Variants in GPATCH2L observed in about 807,000 individuals in gnomAD.
GPATCH2L encodes the protein G patch domain-containing protein 2-like.
GPATCH2L carries 31 observed loss-of-function variants against 57.4 expected under a neutral mutation model. That is an observed-to-expected ratio of 0.54 (90% confidence interval 0.41 to 0.73). The LOEUF is 0.73. Ranked by LOEUF, GPATCH2L falls within the 30% of genes least tolerant of loss-of-function variation. The pLI is 0.00. For missense variants in GPATCH2L, 481 were observed against 599.9 expected, an observed-to-expected ratio of 0.80 and a Z score of 2.07; for synonymous variants, 199 against 210.7, an observed-to-expected ratio of 0.94 and a Z score of 0.48.
At chr14:76,173,734 G>C (rs769523003) in intron 5 of GPATCH2L, 109 bp downstream of exon 5, 1 of 737,662 alleles carries the variant, frequency 1.4e-6, no homozygotes, top group Non-Finnish European at 2.5e-6. Flanking sequence ...GAAGTTAATG[G>C]AGCCAACTGG....
chr14:76,157,673 G>GT (rs397964557), intron 2 of GPATCH2L, among the ~76,000 whole-genome samples: 32,823 of 117,676 alleles, frequency 0.28, 4,081 homozygotes, highest in African/African-American at 0.36. Context: ...CAATGGTAGC[G>GT]TTTTTTTTTT....
chr14:76,210,826 A>G lies in GPATCH2L; in HGVS notation c.*8975A>G, dbSNP rs2139846558. 1 of 152,320 alleles carries G rather than the reference A, an allele frequency of 6.6e-6. No individual in the cohort carries two copies. The highest frequency in any genetic ancestry group is 6.5e-5 in the Admixed American group (1 of 15,304). The allele number at this position is 152,320 out of a possible 1,614,324, so 9.4% of individuals were successfully genotyped here. A position where few individuals can be genotyped will look rare whatever the true frequency, so the allele number is the denominator to read the frequency against. On this transcript the variant is annotated 3_prime_UTR_variant, in exon 10 of 10. Coordinates refer to ENST00000261530, the MANE Select transcript of GPATCH2L (RefSeq NM_017926.4). ...AGCTGCCTTAACAGTCTTGGCTTTTAGAAATGCCCCTTCATTCATTAGATG... is the reference window on the plus strand; with the variant it reads ...AGCTGCCTTAACAGTCTTGGCTTTTGGAAATGCCCCTTCATTCATTAGATG...
chr14:76,233,839 C>T (rs1231749665), intron 2 of GPATCH2L, among the ~76,000 whole-genome samples: 2 of 152,166 alleles, frequency 1.3e-5, no homozygotes, highest in Non-Finnish European at 2.9e-5. Flanking sequence ...TGTTGTGGCT[C>T]ATCCCTGTAA....
chr14:76,192,931 A>C (rs1472203449), intron 8 of GPATCH2L, among the ~76,000 whole-genome samples: 3 of 152,144 alleles, frequency 2.0e-5, no homozygotes, highest in African/African-American at 7.2e-5. Flanking sequence ...GTAGAAGTAG[A>C]CCATTTACCA....
intron 8 of GPATCH2L, among the ~76,000 whole-genome samples, chr14:76,182,356 C>G (rs1307869063): frequency 5.4e-5 from 1 of 18,424 alleles, no homozygotes; most frequent in Non-Finnish European, 1.1e-4. Context: ...GACCCCGTCT[C>G]AGAAAAGAAA....
chr14:76,177,587 ACT>A (rs2039383131), intron 6 of GPATCH2L, among the ~76,000 whole-genome samples: 1 of 149,582 alleles, frequency 6.7e-6, no homozygotes, highest in South Asian at 2.1e-4. Flanking sequence ...ATGAGTTGAG[ACT>A]CTTGTCACTG....
At chr14:76,182,581 G>A (rs1320167257) in intron 8 of GPATCH2L, among the ~76,000 whole-genome samples, 2 of 60,238 alleles carry the variant, frequency 3.3e-5, no homozygotes, top group African/African-American at 1.2e-4. Context: ...GTGAGACCCT[G>A]TCTCAAAAAA....
intron 3 of GPATCH2L, among the ~76,000 whole-genome samples, chr14:76,169,162 G>C (rs996828418): frequency 2.6e-5 from 4 of 152,046 alleles, no homozygotes; most frequent in African/African-American, 9.7e-5. Context: ...CCATGTGTTT[G>C]CTGAGGGGGT....
chr14:76,184,550 T>C (rs2039697921), intron 8 of GPATCH2L, among the ~76,000 whole-genome samples: 1 of 152,222 alleles, frequency 6.6e-6, no homozygotes, highest in African/African-American at 2.4e-5. Context: ...TCTTGTTTAA[T>C]ATTTCATTGC....
intron 2 of GPATCH2L, among the ~76,000 whole-genome samples, chr14:76,164,762 A>G (rs1158824268): frequency 6.6e-6 from 1 of 152,248 alleles, no homozygotes; most frequent in Non-Finnish European, 1.5e-5. Context: ...TTGAGATGAA[A>G]GCATTTTCAA....
chr14:76,163,936 A>G (rs1400333083), intron 2 of GPATCH2L, among the ~76,000 whole-genome samples: 1 of 152,176 alleles, frequency 6.6e-6, no homozygotes, highest in Admixed American at 6.5e-5. Flanking sequence ...TTCCCTGGCC[A>G]GATCATTCTC....
At chr14:76,173,352 A>G (rs2039172734) in intron 4 of GPATCH2L, among the ~76,000 whole-genome samples, 194 bp from the exon 5 acceptor site, 1 of 152,118 alleles carries the variant, frequency 6.6e-6, no homozygotes, top group Non-Finnish European at 1.5e-5. Flanking sequence ...GGTCAAAGGT[A>G]AATGGCATGC....
intron 3 of GPATCH2L, among the ~76,000 whole-genome samples, chr14:76,169,412 CCAAA>C (rs1444911012): frequency 9.9e-5 from 15 of 151,920 alleles, no homozygotes; most frequent in South Asian, 4.2e-4. Flanking sequence ...TTTTTTTCCC[CCAAA>C]CAAAATCGAA....
downstream of GPATCH2L, among the ~76,000 whole-genome samples, chr14:76,214,575 T>C (rs1306325561): frequency 6.6e-6 from 1 of 152,226 alleles, no homozygotes; most frequent in Non-Finnish European, 1.5e-5. Flanking sequence ...CACCTTCTAA[T>C]TGTGTCCTCA....
intron 8 of GPATCH2L, among the ~76,000 whole-genome samples, chr14:76,187,009 A>G (rs1402563954): frequency 6.9e-6 from 1 of 145,434 alleles, no homozygotes; most frequent in African/African-American, 2.5e-5. Context: ...TCTGTTTCCT[A>G]TGATAATTGT....
In GPATCH2L at chr14:76,208,244, G is replaced by C. The variant is rs1014618140; in HGVS notation, c.*6393G>C. 6.6e-6 allele frequency: 1 copy of C among 152,128 alleles called. No homozygotes were observed. Among genetic ancestry groups the C allele is most frequent in the African/African-American group, 2.4e-5 (1 of 41,410 alleles). The allele number at this position is 152,128 out of a possible 1,614,324, so 9.4% of individuals were successfully genotyped here. A position where few individuals can be genotyped will look rare whatever the true frequency, so the allele number is the denominator to read the frequency against. On this transcript the variant is annotated 3_prime_UTR_variant, in exon 10 of 10. Transcript: ENST00000261530. The stretch of plus-strand genomic sequence containing the variant: ...AAATGTTTTTAATTGAAAGGGGAAA[G>C]AAAATATCAGAGAACTTAAAGATGG...
intron 8 of GPATCH2L, among the ~76,000 whole-genome samples, chr14:76,185,300 A>G (rs898904223): frequency 6.6e-6 from 1 of 152,194 alleles, no homozygotes; most frequent in African/African-American, 2.4e-5. Flanking sequence ...TGCTGCCCAA[A>G]CAGCAGATGG....
Position 76,205,349 on chromosome 14 carries a change from T to A in GPATCH2L, c.*3498T>A, listed in dbSNP as rs946047029. On this transcript the variant is annotated 3_prime_UTR_variant, in exon 10 of 10. Coordinates refer to ENST00000261530, the MANE Select transcript of GPATCH2L (RefSeq NM_017926.4). ...GGTACCAGATTTGGAGGGGGCTGAG[T>A]ATAATTTTTACTGAGTGGTATGTGG... The A allele has an allele frequency of 7.2e-5, 11 of 152,148 alleles. No individual in the cohort carries two copies. The highest frequency in any genetic ancestry group is 4.4e-5 in the Non-Finnish European group (3 of 68,030). 9.4% of individuals were successfully genotyped at this position (152,148 alleles called of 1,614,324 possible).
intron 8 of GPATCH2L, among the ~76,000 whole-genome samples, chr14:76,184,031 T>G (rs771310388): frequency 0.12 from 6,049 of 50,516 alleles, 173 homozygotes; most frequent in Non-Finnish European, 0.23. Flanking sequence ...ATGGTGTGTG[T>G]GTGTGTGTGT....
Sources: allele counts gnomAD v4.1 joint callset (sites outside exome capture counted in the v4.1 genomes callset), GRCh38; gene constraint gnomAD v4.1.1; transcripts MANE v1.5; gene names NCBI Gene and HGNC (gene_info 2026-07-23, HGNC 2026-07-21).